C3: variants seen among roughly 807,000 people sequenced by gnomAD.
C3 encodes complement C3.
In C3, 97 loss-of-function variants were observed where a neutral mutation model predicts 207.9. That is an observed-to-expected ratio of 0.47 (90% CI 0.40 to 0.55). C3 has a LOEUF of 0.55. C3 is among the 20% of genes least tolerant of loss of function. C3 has a pLI of 0.00. For synonymous variants in C3, 848 were observed against 857.6 expected (o/e 0.99, Z 0.20); for missense variants, 1,684 against 2,171.7 (o/e 0.78, Z 4.46).
rs753920167 is a variant in C3 at position 6,718,280 on chromosome 19, T to C, written c.400A>G (p.Thr134Ala). The C allele has an allele frequency of 8.7e-6, 14 of 1,613,662 alleles. No individual in the cohort carries two copies. The highest frequency in any genetic ancestry group is 1.7e-5 in the Admixed American group (1 of 59,982). The change falls in exon 3 of 41, where the codon ACA (threonine) becomes GCA (alanine). Residue 134 changes from threonine to alanine, a missense_variant. Transcript: ENST00000245907. ...CCAGGGGTGTAGATGGTCTTGTCTGTCTGGATGAAGAGGTACCCGCTCTGC... is the reference window on the plus strand; with the variant it reads ...CCAGGGGTGTAGATGGTCTTGTCTGCCTGGATGAAGAGGTACCCGCTCTGC... The part of the protein sequence containing the change: ...SLQSGYLFIQ[T>A]DKTIYTPGST...
At chr19:6,689,353 C>A (rs1390769520) in intron 27 of C3, among the ~76,000 whole-genome samples, 6 of 67,388 alleles carry the variant, frequency 8.9e-5, no homozygotes, top group African/African-American at 4.3e-4. Context: ...CCCTCCCTCC[C>A]TCCCTCCCTC....
rs1233735599 is a variant in C3 at position 6,712,590 on chromosome 19, A to G, written c.1037T>C (p.Ile346Thr). The part of the protein sequence containing the change: ...SDMVQAERSG[I>T]PIVTSPYQIH... ...CTGGTAGGGAGAGGTCACGATGGGG[A>G]TCCCGCTGCGCTCTGCCTGCACCAT... Residue 346 changes from isoleucine (I) to threonine (T), a missense_variant, in exon 10 of 41, where the codon ATC becomes ACC. Coordinates refer to ENST00000245907, the MANE Select transcript of C3 (RefSeq NM_000064.4). 6.2e-7 allele frequency: 1 copy of G among 1,613,878 alleles called. No homozygotes were observed. Among genetic ancestry groups the G allele is most frequent in the Non-Finnish European group, 8.5e-7 (1 of 1,179,970 alleles).
chr19:6,710,237 G>A (rs1471284636), intron 13 of C3, among the ~76,000 whole-genome samples: 10 of 91,874 alleles, frequency 1.1e-4, no homozygotes, highest in African/African-American at 3.3e-4. Flanking sequence ...GGAGAGAGAG[G>A]GAGAGAGAGA....
intron 1 of C3, among the ~76,000 whole-genome samples, chr19:6,720,139 A>G (rs1258839504): frequency 6.6e-6 from 1 of 152,134 alleles, no homozygotes; most frequent in East Asian, 1.9e-4. Context: ...GAAACATCCC[A>G]AACTCCAATT....
chr19:6,719,910 C>T lies in C3; in HGVS notation c.75-507G>A, dbSNP rs1968128064. ...AGCACCCCAAACCCAGCCTAAACCTCCAACACCCCAGTCCTAATAAATACA... is the reference window on the plus strand; with the variant it reads ...AGCACCCCAAACCCAGCCTAAACCTTCAACACCCCAGTCCTAATAAATACA... On this transcript the variant is annotated intron_variant, in intron 1 of 40. Coordinates refer to ENST00000245907, the MANE Select transcript of C3 (RefSeq NM_000064.4). The surrounding 1 kb of genome is among the most constrained non-coding windows in gnomAD (Gnocchi z 5.4). 6.6e-6 allele frequency among the ~76,000 whole-genome samples: 1 copy of T among 152,044 alleles called. No homozygotes were observed.
chr19:6,703,558 G>T (rs906346286), intron 17 of C3, among the ~76,000 whole-genome samples: 1 of 152,064 alleles, frequency 6.6e-6, no homozygotes, highest in Non-Finnish European at 1.5e-5. Context: ...AGTGAGCCAA[G>T]ATTATGCCAC....
intron 26 of C3, among the ~76,000 whole-genome samples, chr19:6,691,677 G>C (rs1918170916): frequency 6.6e-6 from 1 of 152,096 alleles, no homozygotes; most frequent in Non-Finnish European, 1.5e-5. Flanking sequence ...GAGGAATGCG[G>C]GCACTTTTAA....
chr19:6,704,742 G>A (rs969793977), intron 17 of C3, among the ~76,000 whole-genome samples: 7 of 152,040 alleles, frequency 4.6e-5, no homozygotes, highest in African/African-American at 1.5e-4. Context: ...CTGTGTGACA[G>A]AGCGAGACTC....
At chr19:6,706,592 G>T (rs1967777823) in intron 17 of C3, among the ~76,000 whole-genome samples, 1 of 151,750 alleles carries the variant, frequency 6.6e-6, no homozygotes, top group South Asian at 2.1e-4. Flanking sequence ...TCTCCCAACA[G>T]ACAGAGGCCT....
In C3 at chr19:6,694,775, G is replaced by A. The variant is rs1967496917; in HGVS notation, c.2951-141C>T. On this transcript the variant is annotated intron_variant, in intron 23 of 40. Coordinates refer to ENST00000245907, the MANE Select transcript of C3 (RefSeq NM_000064.4). The stretch of plus-strand genomic sequence containing the variant: ...AGGACTGGGGAGGATGTGACTGCGG[G>A]GAGGGGAGGCTGCATGGCTGAGTGG... 6 of 727,942 alleles carry A rather than the reference G, an allele frequency of 8.2e-6. No homozygotes were observed. The East Asian group carries it at 1.6e-4, about 20-fold the overall frequency. The allele number at this position is 727,942 out of a possible 1,614,324, so 45.1% of individuals were successfully genotyped here.
chr19:6,718,853 A>C (rs1258524067), intron 2 of C3, among the ~76,000 whole-genome samples: 3 of 132,850 alleles, frequency 2.3e-5, no homozygotes, highest in Non-Finnish European at 4.6e-5. Flanking sequence ...GTGGAGTCTC[A>C]GAGAAGGGGA....
chr19:6,709,498 A>T (rs1389338377), intron 14 of C3, among the ~76,000 whole-genome samples, 186 bp downstream of exon 14: 3 of 151,990 alleles, frequency 2.0e-5, no homozygotes, highest in Non-Finnish European at 4.4e-5. Context: ...GACCATCCCC[A>T]ATTGGAACCC....
chr19:6,702,660 G>A, intron 17 of C3, 81 bp from the exon 18 acceptor site: 4 of 947,850 alleles, frequency 4.2e-6, no homozygotes, highest in African/African-American at 1.6e-5. Flanking sequence ...CACTTAGGGA[G>A]GCCAAGGCAG....
intron 2 of C3, among the ~76,000 whole-genome samples, chr19:6,718,633 T>C (rs1001732839): frequency 2.1e-5 from 3 of 141,120 alleles, no homozygotes; most frequent in African/African-American, 8.2e-5. Context: ...AGAGAGCTTA[T>C]AGGAGGAGGG....
rs188054222 is a variant in C3 at position 6,684,972 on chromosome 19, G to A, written c.3969+16C>T. 5 of 1,613,418 alleles carry A rather than the reference G, an allele frequency of 3.1e-6. No homozygotes were observed. Among genetic ancestry groups the A allele is most frequent in the Middle Eastern group, 1.8e-4 (1 of 5,502 alleles). On this transcript the variant is annotated intron_variant, in intron 30 of 40. Coordinates refer to ENST00000245907, the MANE Select transcript of C3 (RefSeq NM_000064.4). Reference sequence around the variant, plus strand: ...GAGACAGCCAGAGTGAGGAGGGCTTGGCTGGGTGACTGTACCTCTTCTGAT... The same window carrying A: ...GAGACAGCCAGAGTGAGGAGGGCTTAGCTGGGTGACTGTACCTCTTCTGAT...
intron 21 of C3, 95 bp from the exon 22 acceptor site, chr19:6,696,754 T>G: frequency 2.4e-6 from 3 of 1,267,696 alleles, no homozygotes; most frequent in Non-Finnish European, 3.4e-6. Context: ...AGGATCACCC[T>G]AGCATTGCCG....
intron 2 of C3, among the ~76,000 whole-genome samples, chr19:6,718,981 G>T (rs1968107060): frequency 1.4e-5 from 1 of 69,576 alleles, no homozygotes; most frequent in Non-Finnish European, 3.4e-5. Context: ...TTCAGAAGGG[G>T]TGGGGGGGGG....
chr19:6,712,134 G>A, intron 11 of C3, 123 bp downstream of exon 11: 1 of 1,285,222 alleles, frequency 7.8e-7, no homozygotes, highest in Middle Eastern at 2.6e-4. Flanking sequence ...CTCTGCGCAG[G>A]AGAGAACCTC....
rs751581885 is a variant in C3, at chr19:6,718,451, G to C, written c.268-39C>G. The C allele has an allele frequency of 1.5e-5, 24 of 1,612,038 alleles. No homozygotes were observed. In the South Asian group the frequency reaches 2.3e-4, roughly 15 times the overall value. On this transcript the variant is annotated intron_variant, in intron 2 of 40. Transcript: ENST00000245907. Reference sequence around the variant, plus strand: ...GGGCATTGTCAGGGGTCTGTTCCAAGGCCCCATGCCCACGGTCCAGCTTCC... The same window carrying C: ...GGGCATTGTCAGGGGTCTGTTCCAACGCCCCATGCCCACGGTCCAGCTTCC...
Sources: allele counts gnomAD v4.1 joint callset (sites outside exome capture counted in the v4.1 genomes callset), GRCh38; gene constraint gnomAD v4.1.1; non-coding constraint Gnocchi (gnomAD v3.1); transcripts MANE v1.5; gene names NCBI Gene and HGNC (gene_info 2026-07-23, HGNC 2026-07-21).